The following TMEM42 variants were observed in gnomAD, a reference collection of about 807,000 sequenced individuals.
TMEM42 encodes transmembrane protein 42.
TMEM42 carries 8 observed loss-of-function variants against 14.0 expected under a neutral mutation model. That is an observed-to-expected ratio of 0.57 (90% CI 0.34 to 1.03). TMEM42 has a LOEUF of 1.03. Among genes scored for constraint, TMEM42 ranks in the 50% least tolerant of loss-of-function variants. The probability of loss-of-function intolerance (pLI) is 0.03; values close to 1 mark genes in which losing one functional copy is unlikely to be tolerated. For missense variants in TMEM42, 211 were observed against 219.8 expected, an observed-to-expected ratio of 0.96 and a Z score of 0.25; for synonymous variants, 115 against 94.3, an observed-to-expected ratio of 1.22 and a Z score of -1.27.
intron 1 of TMEM42, chr3:44,863,300 A>ACCGC (rs1699280451): frequency 2.9e-5 from 1 of 35,060 alleles, no homozygotes; most frequent in East Asian, 2.9e-3. Flanking sequence ...TAGATTCCGC[A>ACCGC]CCCCCCCCCC....
In TMEM42 at chr3:44,861,940, G is replaced by A; in HGVS notation, c.16G>A (p.Gly6Arg). MAERP[G>R]PPGGAVSATA... is the part of the protein sequence containing the mutation. Reference sequence around the variant, plus strand: ...AGCAGGCAACATGGCCGAGAGGCCGGGGCCTCCGGGCGGCGCCGTGTCCGC... The same window carrying A: ...AGCAGGCAACATGGCCGAGAGGCCGAGGCCTCCGGGCGGCGCCGTGTCCGC... Residue 6 changes from glycine to arginine, a missense_variant, in exon 1 of 3, where the codon GGG becomes AGG. Transcript: ENST00000302392. 7.0e-7 allele frequency: 1 copy of A among 1,421,840 alleles called. No homozygotes were observed. Among genetic ancestry groups the A allele is most frequent in the Non-Finnish European group, 9.2e-7 (1 of 1,091,082 alleles). The allele number at this position is 1,421,840 out of a possible 1,614,324, so 88.1% of individuals were successfully genotyped here.
intron 1 of TMEM42, chr3:44,863,498 TC>T (rs1415973890): frequency 2.0e-5 from 3 of 152,184 alleles, no homozygotes; most frequent in Non-Finnish European, 4.4e-5. Flanking sequence ...AGGTGGTGTT[TC>T]CCTCAGGCAA....
Position 44,861,945 on chromosome 3 carries a change from T to C in TMEM42, c.21T>C (p.Pro7=). 7.1e-7 allele frequency: 1 copy of C among 1,415,698 alleles called. No individual in the cohort carries two copies. Among genetic ancestry groups the C allele is most frequent in the Non-Finnish European group, 9.2e-7 (1 of 1,087,456 alleles). The allele number at this position is 1,415,698 out of a possible 1,614,324, so 87.7% of individuals were successfully genotyped here. A position where few individuals can be genotyped will look rare whatever the true frequency, so the allele number is the denominator to read the frequency against. ...GCAACATGGCCGAGAGGCCGGGGCC[T>C]CCGGGCGGCGCCGTGTCCGCGACCG... MAERPG[P]PGGAVSATAY... Residue 7 remains proline, a synonymous_variant, in exon 1 of 3, where the codon CCT becomes CCC. Transcript: ENST00000302392.
At chr3:44,864,466 G>A (rs1699299067) in intron 2 of TMEM42, 123 bp downstream of exon 2, 1 of 1,223,986 alleles carries the variant, frequency 8.2e-7, no homozygotes, top group African/African-American at 1.5e-5. Flanking sequence ...GTTGGGCTGT[G>A]GCTTGACCCC....
chr3:44,864,485 T>G (rs1575703210), intron 2 of TMEM42, 142 bp downstream of exon 2: 1 of 941,896 alleles, frequency 1.1e-6, no homozygotes, highest in Non-Finnish European at 1.6e-6. Context: ...CCTGGATGAG[T>G]GCTCTATTCA....
Position 44,861,966 on chromosome 3 carries a change from G to T in TMEM42, c.42G>T (p.Ala14=). 2.9e-6 allele frequency: 4 copies of T among 1,399,120 alleles called. No homozygotes were observed. The highest frequency in any genetic ancestry group is 1.6e-5 in the South Asian group (1 of 63,794). 86.7% of individuals were successfully genotyped at this position (1,399,120 alleles called of 1,614,324 possible). A position where few individuals can be genotyped will look rare whatever the true frequency, so the allele number is the denominator to read the frequency against. ...RPGPPGGAVS[A]TAYPDTPAEF... is the part of the protein sequence containing the mutation. ...GGCCTCCGGGCGGCGCCGTGTCCGCGACCGCGTACCCTGACACCCCCGCGG... is the reference window on the plus strand; with the variant it reads ...GGCCTCCGGGCGGCGCCGTGTCCGCTACCGCGTACCCTGACACCCCCGCGG... The change falls in exon 1 of 3, where the codon GCG becomes GCT. Residue 14 remains alanine, a synonymous_variant. Coordinates refer to ENST00000302392, the MANE Select transcript of TMEM42 (RefSeq NM_144638.3).
In TMEM42 at chr3:44,864,249, C is replaced by A. The variant is rs1443253070; in HGVS notation, c.245C>A (p.Ser82Tyr). ...LGIIVMASTN[S>Y]LMWTFFSRGL... is the part of the protein sequence containing the mutation. ...ATTATTGTGATGGCGAGCACCAATT[C>A]TCTGATGTGGACCTTCTTTAGCCGG... Residue 82 changes from serine to tyrosine, a missense_variant, in exon 2 of 3, where the codon TCT becomes TAT. Ser to Tyr is a moderately radical substitution (Grantham distance 144). Coordinates refer to ENST00000302392, the MANE Select transcript of TMEM42 (RefSeq NM_144638.3). The A allele has an allele frequency of 1.9e-6, 3 of 1,614,206 alleles. No individual in the cohort carries two copies. In the South Asian group the frequency reaches 3.3e-5, roughly 18 times the overall value.
Position 44,864,211 on chromosome 3 carries a change from A to G in TMEM42, c.207A>G (p.Leu69=), listed in dbSNP as rs1699295448. The G allele has an allele frequency of 6.2e-7, 1 of 1,614,070 alleles. No homozygotes were observed. Among genetic ancestry groups the G allele is most frequent in the Non-Finnish European group, 8.5e-7 (1 of 1,180,040 alleles). ...LAFGSEVSMG[L]CVLGIIVMAS... ...TTCTCCTGCAGGTGAGCATGGGTTTATGCGTCTTAGGCATTATTGTGATGG... is the reference window on the plus strand; with the variant it reads ...TTCTCCTGCAGGTGAGCATGGGTTTGTGCGTCTTAGGCATTATTGTGATGG... The change falls in exon 2 of 3, where the codon TTA becomes TTG. Residue 69 remains leucine (L), a synonymous_variant. Transcript: ENST00000302392.
In TMEM42 at chr3:44,864,343, G is replaced by GGTGA; in HGVS notation, c.339+3_339+6dup. On this transcript the variant is annotated frameshift_variant and splice_region_variant. Coordinates refer to ENST00000302392, the MANE Select transcript of TMEM42 (RefSeq NM_144638.3). LOFTEE classifies it high-confidence loss of function. ...TGACTTTTTCAAATATCCTCAGCTC[G>GGTGA]GTGAGTAGCCTGAGGGTGTGGTGCT... The GGTGA allele has an allele frequency of 1.2e-6, 2 of 1,614,050 alleles. No homozygotes were observed. Among genetic ancestry groups the GGTGA allele is most frequent in the Non-Finnish European group, 1.7e-6 (2 of 1,180,012 alleles).
Sources: allele counts gnomAD v4.1 joint callset, GRCh38; gene constraint gnomAD v4.1.1; transcripts MANE v1.5; gene names NCBI Gene and HGNC (gene_info 2026-07-23, HGNC 2026-07-21).